The following LRP1B variants were observed in gnomAD, a reference collection of about 807,000 sequenced individuals.
LRP1B encodes low-density lipoprotein receptor-related protein 1B.
In LRP1B, 217 loss-of-function variants were observed where a neutral mutation model predicts 556.6. The observed-to-expected ratio is 0.39, with a 90% CI of 0.35 to 0.44. The LOEUF (loss-of-function observed/expected upper bound fraction) is 0.44, where lower values mean the gene tolerates loss of function less well. Ranked by LOEUF, LRP1B falls within the 20% of genes least tolerant of loss-of-function variation. The pLI is 1.00. For synonymous variants in LRP1B, 2,047 were observed against 1,865.8 expected (o/e 1.10, Z -2.50); for missense variants, 5,053 against 5,620.8 (o/e 0.90, Z 3.23).
chr2:141,008,124 T>C (rs145807577), intron 14 of LRP1B, among the ~76,000 whole-genome samples: 12 of 151,452 alleles, frequency 7.9e-5, no homozygotes, highest in African/African-American at 2.6e-4. Context: ...ATATCCTCTT[T>C]AAAACATGTT....
At chr2:141,161,339 C>G (rs10180339) in intron 7 of LRP1B, among the ~76,000 whole-genome samples, 96,875 of 151,818 alleles carry the variant, frequency 0.64, 31,281 homozygotes, top group Middle Eastern at 0.77. Context: ...AAACAAAAAA[C>G]GATGAGCAAA....
At chr2:141,553,592 CTA>C (rs1685833774) in intron 2 of LRP1B, among the ~76,000 whole-genome samples, 1 of 148,666 alleles carries the variant, frequency 6.7e-6, no homozygotes, top group Admixed American at 6.9e-5. Context: ...GAGCAGGTTA[CTA>C]TGTTTACCTT....
Position 141,506,042 on chromosome 2 carries a change from G to T in LRP1B, c.206-25509C>A, listed in dbSNP as rs535082251. Among the ~76,000 whole-genome samples the T allele has an allele frequency of 2.6e-5, 4 of 152,120 alleles. No homozygotes were observed. In the South Asian group the frequency reaches 8.3e-4, roughly 32 times the overall value. On this transcript the variant is annotated intron_variant, in intron 2 of 90. Coordinates refer to ENST00000389484, the MANE Select transcript of LRP1B (RefSeq NM_018557.3). ...TGAGAAGTGTGACAACCCTGTTAGG[G>T]ATAGAAATTCCTAATCATTTGTCAT... is the stretch of plus-strand genomic sequence containing the variant.
At chr2:140,644,812 T>C (rs1266266933) in intron 41 of LRP1B, among the ~76,000 whole-genome samples, 12 of 152,186 alleles carry the variant, frequency 7.9e-5, no homozygotes. Flanking sequence ...TGCGTGAGTA[T>C]TTACAGAGAT....
intron 41 of LRP1B, among the ~76,000 whole-genome samples, chr2:140,698,618 C>T (rs896698347): frequency 2.0e-5 from 3 of 151,964 alleles, no homozygotes; most frequent in Admixed American, 6.6e-5. Flanking sequence ...AGCTTCCAGC[C>T]TCCCGAAGTT....
chr2:140,576,751 G>A (rs986089289), intron 43 of LRP1B, among the ~76,000 whole-genome samples: 1 of 152,054 alleles, frequency 6.6e-6, no homozygotes, highest in Non-Finnish European at 1.5e-5. Context: ...CACCTGCGGG[G>A]ACTAACTAGT....
chr2:140,706,267 G>C (rs1002184083), intron 37 of LRP1B, among the ~76,000 whole-genome samples: 6 of 152,074 alleles, frequency 3.9e-5, no homozygotes, highest in Non-Finnish European at 7.4e-5. Flanking sequence ...TTTTGCAGTT[G>C]TGAAAAACGT....
intron 3 of LRP1B, among the ~76,000 whole-genome samples, chr2:141,300,677 G>A (rs79291424): frequency 0.02 from 3,022 of 152,090 alleles, 83 homozygotes; most frequent in African/African-American, 0.068. Flanking sequence ...GCATTCCCCC[G>A]CCCCTCTCGC....
At chr2:140,832,650 A>T (rs1269956163) in intron 31 of LRP1B, among the ~76,000 whole-genome samples, 1 of 152,194 alleles carries the variant, frequency 6.6e-6, no homozygotes, top group African/African-American at 2.4e-5. Flanking sequence ...CAGAAGGACA[A>T]ATACCACATG....
At chr2:140,301,468 A>T (rs1323283714) in intron 83 of LRP1B, among the ~76,000 whole-genome samples, 2 of 152,124 alleles carry the variant, frequency 1.3e-5, no homozygotes, top group Non-Finnish European at 2.9e-5. Context: ...TAATTTTGGT[A>T]CATCCTTGAG....
chr2:141,490,477 AG>A (rs1324096399), intron 2 of LRP1B, among the ~76,000 whole-genome samples: 1 of 151,996 alleles, frequency 6.6e-6, no homozygotes, highest in East Asian at 1.9e-4. Context: ...CAAAAAGTAT[AG>A]GTTAAGTCAT....
Position 140,495,714 on chromosome 2 carries a change from T to G in LRP1B, c.8885A>C (p.Asp2962Ala), listed in dbSNP as rs1688895448. The G allele has an allele frequency of 3.1e-6, 5 of 1,611,176 alleles. No homozygotes were observed. The highest frequency in any genetic ancestry group is 4.2e-6 in the Non-Finnish European group (5 of 1,177,544). The change falls in exon 56 of 91, where the codon GAC (aspartate) becomes GCC (alanine). Residue 2962 changes from aspartate (D) to alanine (A), a missense_variant. By Grantham distance (126) the Asp-to-Ala change is moderately radical. This residue lies in a region of LRP1B where 3,619 missense variants were observed against 3,931.9 expected (regional missense o/e 0.92). Coordinates refer to ENST00000389484, the MANE Select transcript of LRP1B (RefSeq NM_018557.3). ...ATCAATGTCTACACATGTTTTGCCG[T>G]CATCCTTCAGTTGGAATCCAGGCCA... ...KCWPGFQLKD[D>A]GKTCVDIDEC...
intron 37 of LRP1B, among the ~76,000 whole-genome samples, chr2:140,715,025 G>A (rs1460655766): frequency 1.3e-5 from 2 of 152,012 alleles, no homozygotes; most frequent in Non-Finnish European, 2.9e-5. Flanking sequence ...GAGCATTGCA[G>A]GTAAAAGGAA....
chr2:141,677,429 A>G (rs1378914688), intron 2 of LRP1B, among the ~76,000 whole-genome samples: 2 of 152,170 alleles, frequency 1.3e-5, no homozygotes, highest in Non-Finnish European at 2.9e-5. Flanking sequence ...TGGGAACATT[A>G]TTACAGGGGA....
intron 33 of LRP1B, among the ~76,000 whole-genome samples, chr2:140,772,369 G>A (rs1486135460): frequency 1.3e-5 from 2 of 151,918 alleles, no homozygotes; most frequent in African/African-American, 2.4e-5. Context: ...AAGTGCAGTG[G>A]TGCAATCTTG....
chr2:141,037,550 A>G (rs1389995538), intron 11 of LRP1B, among the ~76,000 whole-genome samples: 1 of 152,062 alleles, frequency 6.6e-6, no homozygotes, highest in Non-Finnish European at 1.5e-5. Context: ...CACATTCTAT[A>G]GGATAGTAGG....
chr2:141,007,613 C>T (rs1179432189), intron 14 of LRP1B, among the ~76,000 whole-genome samples: 1 of 151,428 alleles, frequency 6.6e-6, no homozygotes, highest in Non-Finnish European at 1.5e-5. Context: ...CTATGTTGTA[C>T]ACATTCTGTA....
chr2:140,974,212 G>T (rs1696520899), intron 18 of LRP1B, among the ~76,000 whole-genome samples: 1 of 152,126 alleles, frequency 6.6e-6, no homozygotes, highest in South Asian at 2.1e-4. Context: ...ATTGCTTACT[G>T]CCCAACAGTG....
chr2:141,059,254 T>C (rs561315218), intron 8 of LRP1B, among the ~76,000 whole-genome samples, 200 bp from the exon 9 acceptor site: 2 of 151,902 alleles, frequency 1.3e-5, no homozygotes, highest in South Asian at 4.1e-4. Context: ...TGCAGTAGTG[T>C]TTAAAACAGT....
Sources: allele counts gnomAD v4.1 joint callset (sites outside exome capture counted in the v4.1 genomes callset), GRCh38; gene constraint gnomAD v4.1.1; regional missense constraint gnomAD v4.1.1; transcripts MANE v1.5; gene names NCBI Gene and HGNC (gene_info 2026-07-23, HGNC 2026-07-21).